The following CATSPERE variants were observed in gnomAD, a reference collection of about 807,000 sequenced individuals.
CATSPERE encodes the protein cation channel sperm-associated auxiliary subunit epsilon.
Under a neutral mutation model 114.1 loss-of-function variants are expected in CATSPERE, and 93 were observed. That is an observed-to-expected ratio of 0.81 (90% CI 0.69 to 0.97). The LOEUF (loss-of-function observed/expected upper bound fraction) is 0.97, where lower values mean the gene tolerates loss of function less well. CATSPERE is among the 50% of genes least tolerant of loss of function. The probability of loss-of-function intolerance (pLI) is 0.00; values close to 1 mark genes in which losing one functional copy is unlikely to be tolerated. For synonymous variants in CATSPERE, 341 were observed against 384.1 expected (o/e 0.89, Z 1.31); for missense variants, 1,058 against 1,131.6 (o/e 0.93, Z 0.93).
intron 13 of CATSPERE, among the ~76,000 whole-genome samples, chr1:244,584,756 A>G (rs1018628063): frequency 1.3e-5 from 2 of 152,102 alleles, no homozygotes; most frequent in African/African-American, 4.8e-5. Flanking sequence ...AAGCATGAGG[A>G]ACCTGCGTTC....
chr1:244,616,115 C>T (rs1313851161), intron 19 of CATSPERE, among the ~76,000 whole-genome samples: 3 of 151,978 alleles, frequency 2.0e-5, no homozygotes, highest in South Asian at 2.1e-4. Flanking sequence ...GGTGTCAGAG[C>T]GAGACTCCAT....
At position 244,510,812 on chromosome 1, in the gene CATSPERE, C is replaced by CTTTTTTTTTCT. The variant is rs1675577874; in HGVS notation, c.430-7771_430-7770insCTTTTTTTTTT. Among the ~76,000 whole-genome samples the CTTTTTTTTTCT allele has an allele frequency of 2.4e-5, 2 of 84,282 alleles. 1 individual carries two copies. Among genetic ancestry groups the CTTTTTTTTTCT allele is most frequent in the African/African-American group, 8.0e-5 (2 of 25,138 alleles). The allele number at this position is 84,282 out of a possible 152,430, so 55.3% of individuals were successfully genotyped here. A position where few individuals can be genotyped will look rare whatever the true frequency, so the allele number is the denominator to read the frequency against. ...TGTTGAGTGCATATAACATTTCTTTCTTTTTTTTTTCTTTTTCTTTTTCTT... is the reference window on the plus strand; with the variant it reads ...TGTTGAGTGCATATAACATTTCTTTCTTTTTTTTTCTTTTTTTTTTTCTTTTTCTTTTTCTT... On this transcript the variant is annotated intron_variant, in intron 7 of 21. Transcript: ENST00000366534.
chr1:244,499,104 A>G (rs1382709953), intron 7 of CATSPERE, 25 bp downstream of exon 7: 4 of 1,544,866 alleles, frequency 2.6e-6, no homozygotes, highest in Admixed American at 3.4e-5. Context: ...TAGTATCGTC[A>G]TAGTAAGAAC....
chr1:244,528,787 A>ACACACG (rs1286241541), intron 8 of CATSPERE, among the ~76,000 whole-genome samples: 19 of 129,890 alleles, frequency 1.5e-4, no homozygotes, highest in Middle Eastern at 3.8e-3. Context: ...ATCCCCCACC[A>ACACACG]CACACACACA....
In CATSPERE at chr1:244,552,508, T is replaced by C. The variant is rs779030034; in HGVS notation, c.723T>C (p.Ala241=). Residue 241 remains alanine (A), a synonymous_variant, in exon 9 of 22, where the codon GCT becomes GCC. Coordinates refer to ENST00000366534, the MANE Select transcript of CATSPERE (RefSeq NM_001130957.2). ...CACCACGTGGTAGTCAATTAATGGC[T>C]TCCTGGGATGCTTGTGTAGTTGCAT... ...ISSPRGSQLM[A]SWDACVVASA... The C allele has an allele frequency of 1.8e-5, 29 of 1,614,212 alleles. 1 individual carries two copies. In the South Asian group the frequency reaches 3.2e-4, roughly 18 times the overall value.
At chr1:244,598,925 G>A (rs1668800223) in intron 17 of CATSPERE, among the ~76,000 whole-genome samples, 2 of 152,072 alleles carry the variant, frequency 1.3e-5, no homozygotes, top group African/African-American at 2.4e-5. Context: ...GTCTCCCCTT[G>A]TATCTGTCAA....
At chr1:244,519,176 C>T (rs943459359) in intron 8 of CATSPERE, among the ~76,000 whole-genome samples, 4 of 152,106 alleles carry the variant, frequency 2.6e-5, no homozygotes, top group Admixed American at 2.6e-4. Flanking sequence ...GGATAAAGTA[C>T]CTGCCTTCAA....
intron 9 of CATSPERE, among the ~76,000 whole-genome samples, chr1:244,553,793 C>T (rs1231661927): frequency 6.6e-6 from 1 of 151,838 alleles, no homozygotes. Context: ...TATATTTGTA[C>T]GTATTAACCA....
At chr1:244,497,233 CT>C (rs766936617) in intron 6 of CATSPERE, among the ~76,000 whole-genome samples, 15 of 152,224 alleles carry the variant, frequency 9.9e-5, no homozygotes, top group Non-Finnish European at 2.1e-4. Context: ...ATAATTTTTA[CT>C]CCATAAAGCT....
chr1:244,477,514 TG>T, intron 2 of CATSPERE, 26 bp from the exon 3 acceptor site: 1 of 1,323,416 alleles, frequency 7.6e-7, no homozygotes, highest in Non-Finnish European at 1.1e-6. Context: ...TGATATTTTT[TG>T]TTCGAACTCT....
chr1:244,544,595 G>A (rs942214459), intron 8 of CATSPERE, among the ~76,000 whole-genome samples: 1 of 152,158 alleles, frequency 6.6e-6, no homozygotes, highest in Non-Finnish European at 1.5e-5. Context: ...CCTCTACCTT[G>A]GAAAATAGTA....
intron 11 of CATSPERE, 35 bp downstream of exon 11, chr1:244,572,807 T>G: frequency 2.2e-6 from 3 of 1,370,120 alleles, no homozygotes; most frequent in Middle Eastern, 2.2e-4. Context: ...CATTTGATTT[T>G]AATAAGTATA....
chr1:244,637,846 C>G (rs1282233889), intron 21 of CATSPERE, among the ~76,000 whole-genome samples: 1 of 152,156 alleles, frequency 6.6e-6, no homozygotes, highest in Admixed American at 6.5e-5. Flanking sequence ...TCCACCCTCA[C>G]AAAGAAATTA....
At chr1:244,530,628 A>G (rs1049433496) in intron 8 of CATSPERE, among the ~76,000 whole-genome samples, 1 of 152,180 alleles carries the variant, frequency 6.6e-6, no homozygotes, top group Non-Finnish European at 1.5e-5. Flanking sequence ...ACATTTTAAC[A>G]ATATTGAATC....
rs1276177056 is a variant in CATSPERE at position 244,498,985 on chromosome 1, C to T, written c.352-17C>T. 17 of 1,592,728 alleles carry T rather than the reference C, an allele frequency of 1.1e-5. No homozygotes were observed. The highest frequency in any genetic ancestry group is 1.7e-4 in the Middle Eastern group (1 of 6,028). ...TGTACAAAATGTAAAGAAATGCAAACAAATTTTATTTTCTAGCTTATCACT... is the reference window on the plus strand; with the variant it reads ...TGTACAAAATGTAAAGAAATGCAAATAAATTTTATTTTCTAGCTTATCACT... On this transcript the variant is annotated splice_polypyrimidine_tract_variant and intron_variant, in intron 6 of 21. Coordinates refer to ENST00000366534, the MANE Select transcript of CATSPERE (RefSeq NM_001130957.2).
chr1:244,477,841 G>A (rs924711444), intron 3 of CATSPERE, 65 bp from the exon 4 acceptor site: 5 of 1,309,252 alleles, frequency 3.8e-6, no homozygotes, highest in Non-Finnish European at 5.4e-6. Context: ...TTAAAAAATA[G>A]TAAGGGAATT....
At chr1:244,508,791 G>T (rs1675239584) in intron 7 of CATSPERE, among the ~76,000 whole-genome samples, 1 of 148,012 alleles carries the variant, frequency 6.8e-6, no homozygotes, top group African/African-American at 2.5e-5. Context: ...CTTGAGAGGA[G>T]CTCAAGACAA....
chr1:244,492,669 A>G (rs1672412350), intron 6 of CATSPERE, among the ~76,000 whole-genome samples: 1 of 152,062 alleles, frequency 6.6e-6, no homozygotes, highest in Non-Finnish European at 1.5e-5. Context: ...CTGTTTGCAG[A>G]CGACATGATT....
At chr1:244,625,406 T>TTTTATATATATATATA (rs1673005731) in intron 20 of CATSPERE, among the ~76,000 whole-genome samples, 2 of 12,870 alleles carry the variant, frequency 1.6e-4, no homozygotes, top group African/African-American at 6.1e-4. Flanking sequence ...TTATTATTAT[T>TTTTATATATATATATA]TATATATATA....
Sources: allele counts gnomAD v4.1 joint callset (sites outside exome capture counted in the v4.1 genomes callset), GRCh38; gene constraint gnomAD v4.1.1; transcripts MANE v1.5; gene names NCBI Gene and HGNC (gene_info 2026-07-23, HGNC 2026-07-21).